Variants in CCNY observed in about 807,000 individuals in gnomAD.
CCNY encodes the protein cyclin-Y.
CCNY carries 19 observed loss-of-function variants against 42.8 expected under a neutral mutation model. The observed-to-expected ratio is 0.44, with a 90% CI of 0.31 to 0.65. The LOEUF is 0.65. CCNY is among the 30% of genes least tolerant of loss of function. The probability of loss-of-function intolerance (pLI) is 0.07; values close to 1 mark genes in which losing one functional copy is unlikely to be tolerated. For synonymous variants in CCNY, 165 were observed against 162.7 expected (o/e 1.01, Z -0.11); for missense variants, 370 against 437.3 (o/e 0.85, Z 1.37).
chr10:35,450,189 G>A (rs1838886219), intron 1 of CCNY, among the ~76,000 whole-genome samples: 1 of 152,034 alleles, frequency 6.6e-6, no homozygotes, highest in South Asian at 2.1e-4. Flanking sequence ...TGTGGTCTTG[G>A]TGGGTGGAAG....
At chr10:35,526,033 C>G (rs143625689) in intron 5 of CCNY, 34 bp downstream of exon 5, 2 of 1,574,760 alleles carry the variant, frequency 1.3e-6, no homozygotes, top group African/African-American at 2.7e-5. Context: ...AAACATCATA[C>G]GTTATCTTCT....
Position 35,422,317 on chromosome 10 carries a change from G to C in CCNY, c.155-61087G>C, listed in dbSNP as rs184442376. ...AGTTAGCTTTTTCATATGATATTCA[G>C]CTACAATTCTATATAGGCAGTTGTG... On this transcript the variant is annotated intron_variant, in intron 1 of 9. Transcript: ENST00000374704. Among the ~76,000 whole-genome samples the C allele has an allele frequency of 6.6e-5, 10 of 152,178 alleles. No individual in the cohort carries two copies. In the East Asian group the frequency reaches 1.9e-3, roughly 29 times the overall value.
intron 1 of CCNY, among the ~76,000 whole-genome samples, chr10:35,430,291 C>A (rs921127834): frequency 5.6e-5 from 8 of 143,068 alleles, no homozygotes; most frequent in African/African-American, 1.6e-4. Flanking sequence ...GAGCCGAGAT[C>A]CCGCCACTGC....
chr10:35,348,490 A>C (rs958346596), intron 1 of CCNY, among the ~76,000 whole-genome samples: 6 of 152,240 alleles, frequency 3.9e-5, no homozygotes, highest in African/African-American at 1.4e-4. Flanking sequence ...CTGTTGGTTG[A>C]GTTCTCTTCT....
At chr10:35,464,543 C>T (rs931505428) in intron 1 of CCNY, among the ~76,000 whole-genome samples, 4 of 151,744 alleles carry the variant, frequency 2.6e-5, no homozygotes, top group African/African-American at 7.3e-5. Context: ...TCTTATGGTG[C>T]GTCTCAAATG....
chr10:35,390,683 C>T (rs1034227920), intron 1 of CCNY, among the ~76,000 whole-genome samples: 1 of 152,198 alleles, frequency 6.6e-6, no homozygotes, highest in Admixed American at 6.5e-5. Context: ...ACCTCTTCTT[C>T]CCTCAGTAAC....
At chr10:35,393,712 C>T (rs1056339134) in intron 1 of CCNY, among the ~76,000 whole-genome samples, 11 of 152,094 alleles carry the variant, frequency 7.2e-5, no homozygotes, top group South Asian at 2.1e-4. Flanking sequence ...CCATTTTCTC[C>T]AGGCTTTTAG....
At chr10:35,400,168 C>G (rs1374589300) in intron 1 of CCNY, among the ~76,000 whole-genome samples, 1 of 151,610 alleles carries the variant, frequency 6.6e-6, no homozygotes, top group Non-Finnish European at 1.5e-5. Context: ...TTGATGTAGG[C>G]AGTTTTATAG....
At chr10:35,557,823 T>C (rs1841390260) in intron 8 of CCNY, among the ~76,000 whole-genome samples, 1 of 152,242 alleles carries the variant, frequency 6.6e-6, no homozygotes, top group African/African-American at 2.4e-5. Context: ...GAAATAGATT[T>C]CTTAATGAGA....
chr10:35,267,090 A>AAAG (rs2095726316), intron 3 of CCNY, among the ~76,000 whole-genome samples: 2 of 151,508 alleles, frequency 1.3e-5, no homozygotes, highest in Non-Finnish European at 2.9e-5. Flanking sequence ...TCTCAAAAAA[A>AAAG]AAAAAAAAAA....
intron 3 of CCNY, among the ~76,000 whole-genome samples, chr10:35,316,950 A>G (rs1383708271): frequency 6.6e-6 from 1 of 152,088 alleles, no homozygotes; most frequent in Non-Finnish European, 1.5e-5. Flanking sequence ...GGTTCAAGTG[A>G]TTCTCCTGCC....
chr10:35,466,496 C>T (rs1275973056), intron 1 of CCNY, among the ~76,000 whole-genome samples: 2 of 152,170 alleles, frequency 1.3e-5, no homozygotes, highest in Non-Finnish European at 2.9e-5. Context: ...GAGAGCTTGC[C>T]AGTCCCAGTG....
chr10:35,252,291 C>T (rs111918947), intron 3 of CCNY, among the ~76,000 whole-genome samples: 5 of 151,996 alleles, frequency 3.3e-5, no homozygotes, highest in Admixed American at 6.6e-5. Context: ...CCTGGCCGGG[C>T]GCGGTGGCTC....
chr10:35,265,205 C>A (rs2095723987), intron 3 of CCNY, among the ~76,000 whole-genome samples: 1 of 152,148 alleles, frequency 6.6e-6, no homozygotes, highest in Non-Finnish European at 1.5e-5. Context: ...AAAATCTTCA[C>A]AATCAAACGA....
intron 3 of CCNY, among the ~76,000 whole-genome samples, chr10:35,254,584 G>A (rs536972876): frequency 1.3e-5 from 2 of 152,130 alleles, no homozygotes; most frequent in South Asian, 4.1e-4. Context: ...TGTAGTCTCA[G>A]CACTTTGGGA....
chr10:35,392,506 A>G (rs954390481), intron 1 of CCNY, among the ~76,000 whole-genome samples: 1 of 152,216 alleles, frequency 6.6e-6, no homozygotes, highest in Admixed American at 6.5e-5. Flanking sequence ...CTGCTGGGGT[A>G]TCTGAGAAAG....
chr10:35,468,340 G>T (rs945329097), intron 1 of CCNY, among the ~76,000 whole-genome samples: 1 of 152,136 alleles, frequency 6.6e-6, no homozygotes, highest in East Asian at 1.9e-4. Flanking sequence ...AGGATTTAAC[G>T]TATGAATTTT....
At chr10:35,307,010 G>A (rs1835614464) in intron 3 of CCNY, among the ~76,000 whole-genome samples, 1 of 152,110 alleles carries the variant, frequency 6.6e-6, no homozygotes, top group African/African-American at 2.4e-5. Context: ...GTGCAGTCCC[G>A]CACCCTAGGA....
intron 1 of CCNY, among the ~76,000 whole-genome samples, chr10:35,440,409 C>G (rs1838640217): frequency 6.6e-6 from 1 of 152,196 alleles, no homozygotes; most frequent in Non-Finnish European, 1.5e-5. Context: ...CTGCTCAACT[C>G]TGCTGTTGAA....
Sources: allele counts gnomAD v4.1 joint callset (sites outside exome capture counted in the v4.1 genomes callset), GRCh38; gene constraint gnomAD v4.1.1; transcripts MANE v1.5; gene names NCBI Gene and HGNC (gene_info 2026-07-23, HGNC 2026-07-21).